MGAT4C: variants seen among roughly 807,000 people sequenced by gnomAD.
MGAT4C encodes the protein alpha-1,3-mannosyl-glycoprotein 4-beta-N-acetylglucosaminyltransferase C.
MGAT4C carries 19 observed loss-of-function variants against 40.1 expected under a neutral mutation model. The observed-to-expected ratio is 0.47, with a 90% CI of 0.33 to 0.70. The LOEUF (loss-of-function observed/expected upper bound fraction) is 0.70, where lower values mean the gene tolerates loss of function less well. MGAT4C is among the 30% of genes least tolerant of loss of function. The pLI is 0.02. For synonymous variants in MGAT4C, 181 were observed against 187.1 expected (o/e 0.97, Z 0.27); for missense variants, 491 against 563.2 (o/e 0.87, Z 1.30).
intron 4 of MGAT4C, among the ~76,000 whole-genome samples, chr12:86,296,805 C>T (rs1383727646): frequency 1.3e-5 from 2 of 152,168 alleles, no homozygotes; most frequent in Non-Finnish European, 2.9e-5. Flanking sequence ...CTGAGGGAGC[C>T]GGTTCTGGCC....
chr12:86,720,525 A>G (rs1950720173), intron 2 of MGAT4C, among the ~76,000 whole-genome samples: 1 of 152,144 alleles, frequency 6.6e-6, no homozygotes, highest in Non-Finnish European at 1.5e-5. Flanking sequence ...ATTAACATCT[A>G]TATCATCTGT....
intron 2 of MGAT4C, among the ~76,000 whole-genome samples, chr12:86,628,226 T>G (rs1324038007): frequency 6.6e-6 from 1 of 152,070 alleles, no homozygotes; most frequent in Non-Finnish European, 1.5e-5. Context: ...AAACAAAGCC[T>G]CCAAGAAATA....
intron 1 of MGAT4C, among the ~76,000 whole-genome samples, chr12:86,220,155 T>C (rs1950826173): frequency 6.6e-6 from 1 of 152,080 alleles, no homozygotes; most frequent in South Asian, 2.1e-4. Flanking sequence ...GACTGTACAC[T>C]CATTGGGGAC....
intron 2 of MGAT4C, among the ~76,000 whole-genome samples, chr12:86,703,978 T>C (rs1593132419): frequency 6.6e-6 from 1 of 152,156 alleles, no homozygotes; most frequent in Non-Finnish European, 1.5e-5. Context: ...TCTTTCCATA[T>C]AGACACAACT....
intron 2 of MGAT4C, among the ~76,000 whole-genome samples, chr12:86,707,866 G>C (rs1384783876): frequency 6.6e-6 from 1 of 152,132 alleles, no homozygotes; most frequent in Admixed American, 6.6e-5. Context: ...AAACATTCAA[G>C]ATGTGACTTG....
chr12:86,316,711 G>C (rs142663255), intron 4 of MGAT4C, among the ~76,000 whole-genome samples: 195 of 152,288 alleles, frequency 1.3e-3, no homozygotes, highest in Admixed American at 2.0e-3. Flanking sequence ...GACTATTGGT[G>C]GGGAGGGATG....
intron 3 of MGAT4C, among the ~76,000 whole-genome samples, chr12:86,386,729 T>C (rs997805122): frequency 1.3e-5 from 2 of 152,224 alleles, no homozygotes; most frequent in Admixed American, 6.5e-5. Context: ...AAAAATATTA[T>C]GGAATAAGGT....
intron 2 of MGAT4C, among the ~76,000 whole-genome samples, chr12:86,719,894 A>G (rs1479659684): frequency 6.6e-6 from 1 of 152,126 alleles, no homozygotes; most frequent in African/African-American, 2.4e-5. Context: ...ATCTCCTGTT[A>G]TTTTACAGAG....
intron 1 of MGAT4C, among the ~76,000 whole-genome samples, chr12:86,771,767 G>T (rs959409176): frequency 3.3e-5 from 5 of 151,318 alleles, no homozygotes; most frequent in Admixed American, 2.6e-4. Flanking sequence ...AAGATGCTTT[G>T]GTAAGGTATT....
intron 2 of MGAT4C, among the ~76,000 whole-genome samples, chr12:86,626,686 C>G (rs1314340570): frequency 2.0e-5 from 3 of 152,166 alleles, no homozygotes; most frequent in African/African-American, 7.2e-5. Context: ...TAGCAAAGTA[C>G]TTGAGACACA....
intron 2 of MGAT4C, among the ~76,000 whole-genome samples, chr12:86,672,026 T>C (rs921606241): frequency 6.6e-6 from 1 of 152,148 alleles, no homozygotes; most frequent in African/African-American, 2.4e-5. Flanking sequence ...GAATAGATCA[T>C]ATGTTAGGTG....
At chr12:86,508,188 C>T (rs1958505744) in intron 2 of MGAT4C, among the ~76,000 whole-genome samples, 1 of 152,076 alleles carries the variant, frequency 6.6e-6, no homozygotes, top group Non-Finnish European at 1.5e-5. Context: ...AGGTATATCT[C>T]CTAATGCTAT....
chr12:86,490,115 T>C (rs1958104329), intron 2 of MGAT4C, among the ~76,000 whole-genome samples: 2 of 151,758 alleles, frequency 1.3e-5, no homozygotes, highest in Admixed American at 1.3e-4. Flanking sequence ...CCAAAACACA[T>C]AATTGTCAGA....
chr12:86,792,152 CA>C (rs1202499798), intron 1 of MGAT4C, among the ~76,000 whole-genome samples: 1 of 152,048 alleles, frequency 6.6e-6, no homozygotes, highest in Non-Finnish European at 1.5e-5. Context: ...AAAGTCCAGT[CA>C]AAAATTAGGT....
chr12:86,766,147 G>A (rs1263426813), intron 1 of MGAT4C, among the ~76,000 whole-genome samples: 1 of 152,012 alleles, frequency 6.6e-6, no homozygotes, highest in Non-Finnish European at 1.5e-5. Flanking sequence ...GACACACATA[G>A]GCTCAAAATA....
intron 2 of MGAT4C, chr12:86,028,001 G>T: frequency 3.9e-6 from 2 of 508,764 alleles, no homozygotes; most frequent in South Asian, 1.9e-5. Context: ...ATTGACCTAA[G>T]TTGTATACAT....
In MGAT4C at chr12:86,294,501, G is replaced by A. The variant is rs189955697; in HGVS notation, c.-57+39564C>T. On this transcript the variant is annotated intron_variant, in intron 4 of 7. Coordinates refer to the MGAT4C transcript ENST00000548651. ...TCTCCTCTGCATGCAAATACACGCAGGGCTTGACTGTTCCGAAAATCAAAA... is the reference window on the plus strand; with the variant it reads ...TCTCCTCTGCATGCAAATACACGCAAGGCTTGACTGTTCCGAAAATCAAAA... Among the ~76,000 whole-genome samples, 58 of 152,206 alleles carry A rather than the reference G, an allele frequency of 3.8e-4. 1 individual carries two copies. The highest frequency in any genetic ancestry group is 3.7e-3 in the Admixed American group (57 of 15,284).
At chr12:86,382,738 G>A (rs1248244420) in intron 3 of MGAT4C, among the ~76,000 whole-genome samples, 3 of 152,228 alleles carry the variant, frequency 2.0e-5, no homozygotes, top group African/African-American at 4.8e-5. Context: ...AGGGCTGAAA[G>A]GGGCAGACAT....
At chr12:86,149,501 T>G (rs1164532416) in intron 1 of MGAT4C, among the ~76,000 whole-genome samples, 1 of 152,206 alleles carries the variant, frequency 6.6e-6, no homozygotes, top group Non-Finnish European at 1.5e-5. Flanking sequence ...AGTGTTCACT[T>G]AAGACAAATT....
Sources: allele counts gnomAD v4.1 joint callset (sites outside exome capture counted in the v4.1 genomes callset), GRCh38; gene constraint gnomAD v4.1.1; transcripts MANE v1.5; gene names NCBI Gene and HGNC (gene_info 2026-07-23, HGNC 2026-07-21).